Variants in MYBPC2 observed in about 807,000 individuals in gnomAD.
The protein encoded by MYBPC2 is myosin binding protein C2, also known as myosin-binding protein C, fast-type.
A neutral mutation model predicts 137.0 loss-of-function variants in MYBPC2; 122 were observed. That is an observed-to-expected ratio of 0.89 (90% CI 0.77 to 1.03). MYBPC2 has a LOEUF of 1.03. Ranked by LOEUF, MYBPC2 falls within the 50% of genes least tolerant of loss-of-function variation. MYBPC2 has a pLI of 0.00. For missense variants in MYBPC2, 1,500 were observed against 1,534.4 expected, an observed-to-expected ratio of 0.98 and a Z score of 0.37; for synonymous variants, 626 against 612.3, an observed-to-expected ratio of 1.02 and a Z score of -0.33.
intron 13 of MYBPC2, 30 bp from the exon 14 acceptor site, chr19:50,450,799 C>T (rs1470636546): frequency 2.0e-6 from 3 of 1,528,028 alleles, no homozygotes; most frequent in East Asian, 4.9e-5. Context: ...CAATCTGGTT[C>T]GAGCCCTACC....
chr19:50,458,887 C>A, intron 21 of MYBPC2, 31 bp from the exon 22 acceptor site: 2 of 1,599,866 alleles, frequency 1.3e-6, no homozygotes, highest in South Asian at 1.1e-5. Flanking sequence ...CGGCCCCCCG[C>A]TGAGCCCCCT....
At chr19:50,458,510 G>A in intron 20 of MYBPC2, 77 bp from the exon 21 acceptor site, 1 of 1,543,048 alleles carries the variant, frequency 6.5e-7, no homozygotes, top group Non-Finnish European at 8.7e-7. Context: ...GCTGCGTGGG[G>A]CCCAAGTCCC....
At position 50,466,130 on chromosome 19, in the gene MYBPC2, C is replaced by T. The variant is rs898324702; in HGVS notation, c.3416-65C>T. ...TGCTGGTCATGTGGATGCAGCTCCT[C>T]CTCCTGGGGCTTCAGGAGGAGGCGT... On this transcript the variant is annotated intron_variant, in intron 27 of 27. Coordinates refer to ENST00000357701, the MANE Select transcript of MYBPC2 (RefSeq NM_004533.4). This position sits in a 1 kb window ranked among gnomAD's most constrained non-coding sequence, Gnocchi z 4.9. 1.2e-6 allele frequency: 2 copies of T among 1,609,430 alleles called. No individual in the cohort carries two copies. Among genetic ancestry groups the T allele is most frequent in the African/African-American group, 2.7e-5 (2 of 74,836 alleles).
rs756758827 is a variant in MYBPC2, at chr19:50,432,924, G to T, written c.-30G>T. On this transcript the variant is annotated 5_prime_UTR_variant, in exon 1 of 28. Coordinates refer to ENST00000357701, the MANE Select transcript of MYBPC2 (RefSeq NM_004533.4). This position sits in a 1 kb window ranked among gnomAD's most constrained non-coding sequence, Gnocchi z 5.5. ...CTAGGGCCTAGCGGGACGCGGCTGC[G>T]GTCAGAGGAGCAGGAGGAGGTCCCC... is the stretch of plus-strand genomic sequence containing the variant. 2 of 1,604,294 alleles carry T rather than the reference G, an allele frequency of 1.2e-6. No individual in the cohort carries two copies. The highest frequency in any genetic ancestry group is 1.7e-6 in the Non-Finnish European group (2 of 1,177,270).
intron 9 of MYBPC2, 135 bp from the exon 10 acceptor site, chr19:50,443,359 G>A (rs1601284882): frequency 1.0e-6 from 1 of 998,300 alleles, no homozygotes; most frequent in Non-Finnish European, 1.4e-6. Flanking sequence ...TTGAAACTGG[G>A]CCCTCAATCC....
Position 50,435,788 on chromosome 19 carries a change from A to G in MYBPC2, c.122A>G (p.Glu41Gly). The change falls in exon 3 of 28, where the codon GAG becomes GGG. Residue 41 changes from glutamate to glycine, a missense_variant. Transcript: ENST00000357701. The surrounding 1 kb of genome is among the most constrained non-coding windows in gnomAD (Gnocchi z 4.8). ...PAEAPKEAPP[E>G]DQSPTAEEPT... ...GTCCCCTGAACAGAAGCCCCACCCGAGGACCAGTCCCCGACTGCAGAGGAG... is the reference window on the plus strand; with the variant it reads ...GTCCCCTGAACAGAAGCCCCACCCGGGGACCAGTCCCCGACTGCAGAGGAG... The G allele has an allele frequency of 6.2e-7, 1 of 1,610,114 alleles. No homozygotes were observed. Among genetic ancestry groups the G allele is most frequent in the Middle Eastern group, 1.7e-4 (1 of 6,046 alleles).
chr19:50,458,341 A>G (rs1159253397), intron 20 of MYBPC2, among the ~76,000 whole-genome samples: 1 of 147,402 alleles, frequency 6.8e-6, no homozygotes, highest in Non-Finnish European at 1.5e-5. Context: ...GTCCCACTGC[A>G]CTCCAGCCTG....
rs1336144448 is a variant in MYBPC2 at position 50,448,217 on chromosome 19, C to T, written c.1307-8C>T. 17 of 1,612,084 alleles carry T rather than the reference C, an allele frequency of 1.1e-5. No homozygotes were observed. The highest frequency in any genetic ancestry group is 1.0e-4 in the Admixed American group (6 of 59,724). ...GTGACGGCTCCTTGTCTTTCTCTCC[C>T]TGACCAGAGAAACAGCTGGAGGTCC... On this transcript the variant is annotated splice_region_variant and splice_polypyrimidine_tract_variant and intron_variant, in intron 12 of 27. Transcript: ENST00000357701.
chr19:50,444,998 G>C (rs2122590594), intron 11 of MYBPC2, among the ~76,000 whole-genome samples: 1 of 152,082 alleles, frequency 6.6e-6, no homozygotes, highest in Admixed American at 6.5e-5. Flanking sequence ...TTGTGTAGGA[G>C]AAAGAGATAG....
In MYBPC2 at chr19:50,455,313, C is replaced by A; in HGVS notation, c.2203+17C>A. On this transcript the variant is annotated intron_variant, in intron 19 of 27. Coordinates refer to ENST00000357701, the MANE Select transcript of MYBPC2 (RefSeq NM_004533.4). ...TGCCTATTGGTAATGTCCTCCCTCACTTTTATGCCTATTGGTAATGATGGA... is the reference window on the plus strand; with the variant it reads ...TGCCTATTGGTAATGTCCTCCCTCAATTTTATGCCTATTGGTAATGATGGA... The A allele has an allele frequency of 6.2e-7, 1 of 1,609,310 alleles. No individual in the cohort carries two copies. The highest frequency in any genetic ancestry group is 8.5e-7 in the Non-Finnish European group (1 of 1,176,604).
intron 26 of MYBPC2, 168 bp from the exon 27 acceptor site, chr19:50,464,175 CCTG>C: frequency 1.7e-6 from 1 of 595,468 alleles, no homozygotes; most frequent in Non-Finnish European, 2.9e-6. Context: ...GGATTATCAA[CCTG>C]CTTTTACATA....
In MYBPC2 at chr19:50,448,759, C is replaced by T. The variant is rs7257288; in HGVS notation, c.1472+369C>T. ...ACAGGTATGAGCCACCACGCCTGGA[C>T]TTTTTCTTTTCTTTTTCCTTTTTTT... On this transcript the variant is annotated intron_variant, in intron 13 of 27. Transcript: ENST00000357701. Among the ~76,000 whole-genome samples, 630 of 139,708 alleles carry T rather than the reference C, an allele frequency of 4.5e-3. 8 individuals are homozygous for T. The highest frequency in any genetic ancestry group is 0.017 in the African/African-American group (602 of 36,150). The allele number at this position is 139,708 out of a possible 152,430, so 91.7% of individuals were successfully genotyped here.
intron 11 of MYBPC2, 135 bp downstream of exon 11, chr19:50,443,951 T>A: frequency 1.3e-6 from 1 of 786,328 alleles, no homozygotes; most frequent in Non-Finnish European, 2.0e-6. Context: ...CCAGGAGATC[T>A]CAGCTTTTCT....
intron 26 of MYBPC2, among the ~76,000 whole-genome samples, chr19:50,462,375 G>C (rs1249225986): frequency 1.3e-5 from 2 of 151,834 alleles, no homozygotes. Flanking sequence ...GTAGAGATGG[G>C]GTCTTGCTAT....
At chr19:50,443,427 A>G in intron 9 of MYBPC2, 67 bp from the exon 10 acceptor site, 2 of 1,571,378 alleles carry the variant, frequency 1.3e-6, no homozygotes, top group Non-Finnish European at 1.7e-6. Flanking sequence ...GAGAACAGGT[A>G]AGCAGAGCTA....
rs1312864046 is a variant in MYBPC2 at position 50,458,591 on chromosome 19, G to T, written c.2343G>T (p.Glu781Asp). 4 of 1,611,742 alleles carry T rather than the reference G, an allele frequency of 2.5e-6. No individual in the cohort carries two copies. In the African/African-American group the frequency reaches 5.3e-5, roughly 22 times the overall value. ...YLVEYCLEGS[E>D]EWVPANTEPV... ...CAGCAGGGCCTCTCTCTCCAGCCGA[G>T]GAATGGGTCCCTGCCAACACCGAGC... Residue 781 changes from glutamate to aspartate, a missense_variant, in exon 21 of 28, where the codon GAG (glutamate) becomes GAT (aspartate). Coordinates refer to ENST00000357701, the MANE Select transcript of MYBPC2 (RefSeq NM_004533.4).
chr19:50,436,474 G>A, intron 4 of MYBPC2, 143 bp from the exon 5 acceptor site: 1 of 787,716 alleles, frequency 1.3e-6, no homozygotes, highest in Non-Finnish European at 2.0e-6. Context: ...GCCACCAGGT[G>A]CTGAGACCCC....
intron 4 of MYBPC2, 151 bp from the exon 5 acceptor site, chr19:50,436,466 C>T (rs966033808): frequency 5.3e-6 from 4 of 761,458 alleles, no homozygotes; most frequent in Non-Finnish European, 6.3e-6. Flanking sequence ...CAGAGCTGGC[C>T]ACCAGGTGCT....
At position 50,435,253 on chromosome 19, in the gene MYBPC2, G is replaced by C. The variant is rs376375562; in HGVS notation, c.109+3G>C. The C allele has an allele frequency of 1.6e-6, 2 of 1,227,618 alleles. No homozygotes were observed. The highest frequency in any genetic ancestry group is 1.2e-6 in the Non-Finnish European group (1 of 841,618). 76.0% of individuals were successfully genotyped at this position (1,227,618 alleles called of 1,614,324 possible). A position where few individuals can be genotyped will look rare whatever the true frequency, so the allele number is the denominator to read the frequency against. ...GGCTCCTGCAGAGGCCCCCAAAGGT[G>C]AGGAGGTGCTCCCTCGGGCTCAACC... On this transcript the variant is annotated splice_donor_region_variant and intron_variant, in intron 2 of 27. Transcript: ENST00000357701. The surrounding 1 kb of genome is among the most constrained non-coding windows in gnomAD (Gnocchi z 4.8).
Sources: allele counts gnomAD v4.1 joint callset (sites outside exome capture counted in the v4.1 genomes callset), GRCh38; gene constraint gnomAD v4.1.1; non-coding constraint Gnocchi (gnomAD v3.1); transcripts MANE v1.5; gene names NCBI Gene and HGNC (gene_info 2026-07-23, HGNC 2026-07-21).